Variants in ZCCHC14 observed in about 807,000 individuals in gnomAD.
The protein encoded by ZCCHC14 is zinc finger CCHC domain-containing protein 14.
A neutral mutation model predicts 85.0 loss-of-function variants in ZCCHC14; 16 were observed. That is an observed-to-expected ratio of 0.19 (90% CI 0.13 to 0.29). The LOEUF is 0.29. Ranked by LOEUF, ZCCHC14 falls within the 10% of genes least tolerant of loss-of-function variation. The probability of loss-of-function intolerance (pLI) is 1.00; values close to 1 mark genes in which losing one functional copy is unlikely to be tolerated. For missense variants in ZCCHC14, 1,303 were observed against 1,443.5 expected (o/e 0.90, Z 1.58); for synonymous variants, 775 against 630.7 (o/e 1.23, Z -3.43).
chr16:87,422,918 G>C (rs1042955686), intron 4 of ZCCHC14, among the ~76,000 whole-genome samples: 1 of 151,998 alleles, frequency 6.6e-6, no homozygotes, highest in African/African-American at 2.4e-5. Context: ...GGGGGGGTGT[G>C]TGTTACCCTC....
At chr16:87,463,213 T>C (rs1288510760) in intron 1 of ZCCHC14, among the ~76,000 whole-genome samples, 2 of 152,134 alleles carry the variant, frequency 1.3e-5, no homozygotes, top group African/African-American at 2.4e-5. Flanking sequence ...GAGACCCCCA[T>C]CTCTACAAAA....
At position 87,412,438 on chromosome 16, in the gene ZCCHC14, C is replaced by A. The variant is rs762534212; in HGVS notation, c.2283G>T (p.Gly761=). The change falls in exon 12 of 13, where the codon GGG becomes GGT. Residue 761 remains glycine (G), a synonymous_variant. Transcript: ENST00000671377. ...LVVETSTAAT[G]TPSTVLHAAR... ...CGGCGTGGAGGACTGTGCTGGGCGT[C>A]CCCGTGGCGGCCGTGCTGGTCTCCA... 1 of 1,613,970 alleles carries A rather than the reference C, an allele frequency of 6.2e-7. No homozygotes were observed. Among genetic ancestry groups the A allele is most frequent in the South Asian group, 1.1e-5 (1 of 91,064 alleles).
intron 1 of ZCCHC14, chr16:87,470,711 A>G (rs925166939): frequency 6.6e-6 from 1 of 152,254 alleles, no homozygotes; most frequent in Admixed American, 6.5e-5. Flanking sequence ...CTAAATGTGT[A>G]TGTCCAGATG....
At chr16:87,431,528 G>A (rs1177745722) in intron 3 of ZCCHC14, among the ~76,000 whole-genome samples, 4 of 150,986 alleles carry the variant, frequency 2.6e-5, no homozygotes, top group Non-Finnish European at 5.9e-5. Context: ...AGCTATGGCC[G>A]GTCAGGTTGT....
At chr16:87,477,755 G>A (rs887875623) in intron 1 of ZCCHC14, among the ~76,000 whole-genome samples, 3 of 151,906 alleles carry the variant, frequency 2.0e-5, no homozygotes, top group Admixed American at 6.6e-5. Context: ...GGGGAACACC[G>A]CCACGCCCCC....
At chr16:87,454,905 G>A (rs903293758) in intron 2 of ZCCHC14, among the ~76,000 whole-genome samples, 1 of 152,222 alleles carries the variant, frequency 6.6e-6, no homozygotes, top group Non-Finnish European at 1.5e-5. Context: ...CCCCTGATCT[G>A]TGTCATCTGC....
intron 4 of ZCCHC14, among the ~76,000 whole-genome samples, chr16:87,423,022 T>C (rs913325984): frequency 2.6e-5 from 4 of 152,224 alleles, no homozygotes; most frequent in African/African-American, 9.6e-5. Context: ...TCCTGCAGGA[T>C]GAGGCCTTGG....
chr16:87,433,667 CTTTT>C (rs1909772557), intron 2 of ZCCHC14, among the ~76,000 whole-genome samples: 1 of 152,034 alleles, frequency 6.6e-6, no homozygotes, highest in African/African-American at 2.4e-5. Context: ...GTATTTTCTT[CTTTT>C]TTCTTTTTTT....
chr16:87,423,610 C>A (rs543033120), intron 4 of ZCCHC14, among the ~76,000 whole-genome samples, 200 bp downstream of exon 4: 76 of 152,294 alleles, frequency 5.0e-4, no homozygotes, highest in African/African-American at 1.8e-3. Context: ...GAGGCATCCG[C>A]GGGGTCACGG....
At chr16:87,448,253 A>G (rs1209865836) in intron 2 of ZCCHC14, among the ~76,000 whole-genome samples, 1 of 152,342 alleles carries the variant, frequency 6.6e-6, no homozygotes, top group South Asian at 2.1e-4. Context: ...GGCTTGCCAC[A>G]GTCCTCTGGC....
At chr16:87,460,477 C>T (rs1256188363) in intron 1 of ZCCHC14, among the ~76,000 whole-genome samples, 1 of 152,096 alleles carries the variant, frequency 6.6e-6, no homozygotes, top group African/African-American at 2.4e-5. Context: ...ATCTCTTGAG[C>T]CCAGGAGTTC....
At chr16:87,411,200 G>A (rs922950043) in intron 12 of ZCCHC14, among the ~76,000 whole-genome samples, 2 of 152,198 alleles carry the variant, frequency 1.3e-5, no homozygotes, top group African/African-American at 2.4e-5. Flanking sequence ...TGTTAAGCCA[G>A]GGGGCAGCAC....
At position 87,417,709 on chromosome 16, in the gene ZCCHC14, C is replaced by A. The variant is rs576787969; in HGVS notation, c.1134G>T (p.Ser378=). The change falls in exon 8 of 13, where the codon TCG becomes TCT. Residue 378 remains serine (S), a synonymous_variant. Coordinates refer to ENST00000671377, the MANE Select transcript of ZCCHC14 (RefSeq NM_015144.3). The part of the protein sequence containing the change: ...PVCGVAGIPS[S]QSGAQHHGQH... ...GCCCGTGGTGCTGGGCTCCGCTCTG[C>A]GAGGACGGGATACCAGCCACTCCAC... 42 of 1,604,202 alleles carry A rather than the reference C, an allele frequency of 2.6e-5. No homozygotes were observed. Among genetic ancestry groups the A allele is most frequent in the Non-Finnish European group, 3.4e-5 (40 of 1,176,714 alleles).
chr16:87,467,670 G>A (rs1460653386), intron 1 of ZCCHC14: 6 of 862,724 alleles, frequency 7.0e-6, no homozygotes, highest in Non-Finnish European at 1.2e-5. Context: ...TTTTTCTTTT[G>A]AGATGGAGTC....
At chr16:87,450,740 G>C (rs899191980) in intron 2 of ZCCHC14, among the ~76,000 whole-genome samples, 2 of 151,804 alleles carry the variant, frequency 1.3e-5, no homozygotes, top group African/African-American at 4.8e-5. Context: ...TTTTTTTGTA[G>C]AGACGGATTT....
chr16:87,490,364 A>T (rs1912697183), intron 1 of ZCCHC14, among the ~76,000 whole-genome samples: 1 of 152,272 alleles, frequency 6.6e-6, no homozygotes, highest in Non-Finnish European at 1.5e-5. Flanking sequence ...ACTGAGCAAG[A>T]CTTGGTCCCG....
chr16:87,486,744 A>C (rs950754400), intron 1 of ZCCHC14, among the ~76,000 whole-genome samples: 14 of 152,250 alleles, frequency 9.2e-5, no homozygotes, highest in Non-Finnish European at 1.3e-4. Context: ...ACAACAACAA[A>C]AAAAGCAATG....
At chr16:87,418,349 C>G (rs1264058663) in intron 7 of ZCCHC14, among the ~76,000 whole-genome samples, 1 of 152,220 alleles carries the variant, frequency 6.6e-6, no homozygotes, top group Admixed American at 6.5e-5. Context: ...TACCCCGACA[C>G]CAGGAGGATG....
At chr16:87,460,253 ATTATAATAATAAGC>A in intron 1 of ZCCHC14, 122 bp from the exon 2 acceptor site, 1 of 1,287,478 alleles carries the variant, frequency 7.8e-7, no homozygotes, top group South Asian at 1.6e-5. Flanking sequence ...AACATGTATT[ATTATAATAATAAGC>A]CTTCCCCAAG....
Sources: gnomAD v4.1 joint callset for allele counts (sites outside exome capture counted in the v4.1 genomes callset) on GRCh38, gnomAD v4.1.1 for gene constraint, MANE v1.5 for transcripts, NCBI Gene and HGNC (gene_info 2026-07-23, HGNC 2026-07-21) for gene names.